The following PRR12 variants were observed in gnomAD, a reference collection of about 807,000 sequenced individuals.
PRR12 encodes the protein proline-rich protein 12.
In PRR12, 12 loss-of-function variants were observed where a neutral mutation model predicts 138.0. The observed-to-expected ratio is 0.09, with a 90% confidence interval of 0.06 to 0.14. The LOEUF (loss-of-function observed/expected upper bound fraction) is 0.14. Among genes scored for constraint, PRR12 ranks in the 10% least tolerant of loss-of-function variants. PRR12 has a pLI of 1.00. For synonymous variants in PRR12, 1,567 were observed against 1,291.7 expected (o/e 1.21, Z -4.57); for missense variants, 2,692 against 2,861.3 (o/e 0.94, Z 1.35).
At chr19:49,622,928 T>TATATATATAG (rs1320368074) in intron 11 of PRR12, among the ~76,000 whole-genome samples, 15 of 77,768 alleles carry the variant, frequency 1.9e-4, no homozygotes, top group African/African-American at 3.1e-4. Flanking sequence ...TATATATATA[T>TATATATATAG]AGAGAGAGAG....
chr19:49,607,063 G>A (rs1427895483), intron 6 of PRR12, among the ~76,000 whole-genome samples: 1 of 151,602 alleles, frequency 6.6e-6, no homozygotes, highest in African/African-American at 2.4e-5. Flanking sequence ...TTGGGAGGAC[G>A]AGGCAGGATT....
chr19:49,617,600 C>T (rs1232421982), intron 9 of PRR12, among the ~76,000 whole-genome samples: 1 of 152,182 alleles, frequency 6.6e-6, no homozygotes, highest in Non-Finnish European at 1.5e-5. Flanking sequence ...CACTGCTTTC[C>T]AGCCAGGGTG....
chr19:49,596,900 C>A lies in PRR12; in HGVS notation c.2565C>A (p.Arg855=). 1 of 1,556,886 alleles carries A rather than the reference C, an allele frequency of 6.4e-7. No individual in the cohort carries two copies. The highest frequency in any genetic ancestry group is 1.4e-5 in the African/African-American group (1 of 73,678). The change falls in exon 4 of 14, where the codon CGC becomes CGA. Residue 855 remains arginine, a synonymous_variant. Transcript: ENST00000418929. The surrounding 1 kb of genome is among the most constrained non-coding windows in gnomAD (Gnocchi z 5.6). ...PMPLQLEAHL[R]SHGLEPAAPS... ...CCCTGCAGCTCGAGGCCCACCTCCG[C>A]AGCCATGGCCTGGAGCCCGCGGCCC...
At position 49,624,895 on chromosome 19, in the gene PRR12, T is replaced by C; in HGVS notation, c.5773T>C (p.Ser1925Pro). Residue 1925 changes from serine (S) to proline (P), a missense_variant, in exon 12 of 14, where the codon TCT (serine) becomes CCT (proline). Around this residue, in one of 11 missense-constraint regions of PRR12, gnomAD observed 116 missense variants for 243.4 expected, o/e 0.48. Transcript: ENST00000418929. ...QLQVEQSGEGSPEEGAVRLRP... is the reference protein window; with the variant it reads ...QLQVEQSGEGPPEEGAVRLRP... ...GCAAGTGGAGCAGAGTGGGGAGGGC[T>C]CTCCGGAAGAGGGGGCTGTGCGGCT... 1 of 1,610,070 alleles carries C rather than the reference T, an allele frequency of 6.2e-7. No individual in the cohort carries two copies. The highest frequency in any genetic ancestry group is 1.1e-5 in the South Asian group (1 of 90,742).
At position 49,594,431 on chromosome 19, in the gene PRR12, C is replaced by T; in HGVS notation, c.200-23C>T. On this transcript the variant is annotated intron_variant, in intron 2 of 13. Coordinates refer to ENST00000418929, the MANE Select transcript of PRR12 (RefSeq NM_020719.3). This position sits in a 1 kb window ranked among gnomAD's most constrained non-coding sequence, Gnocchi z 5.6. ...ATCCTACCCACCCCCACCTGGCTGA[C>T]TATAACCCCTGTCCCCGGCCAGGCC... The T allele has an allele frequency of 1.3e-6, 2 of 1,547,252 alleles. No individual in the cohort carries two copies. The highest frequency in any genetic ancestry group is 8.7e-7 in the Non-Finnish European group (1 of 1,148,730).
In PRR12 at chr19:49,591,332, C is replaced by T. The variant is rs1308197780; in HGVS notation, c.-323C>T. ...CGCCCCCTCCCGAGCGCGCGCCCCC[C>T]CTTTTCTCTCGCAAGCGCCGGGGCA... On this transcript the variant is annotated 5_prime_UTR_variant, in exon 1 of 14. Coordinates refer to ENST00000418929, the MANE Select transcript of PRR12 (RefSeq NM_020719.3). Among the ~76,000 whole-genome samples, 6 of 150,636 alleles carry T rather than the reference C, an allele frequency of 4.0e-5. No homozygotes were observed. The highest frequency in any genetic ancestry group is 2.1e-4 in the South Asian group (1 of 4,758).
Position 49,594,914 on chromosome 19 carries a change from C to T in PRR12, c.579C>T (p.Pro193=), listed in dbSNP as rs777834663. 8.1e-6 allele frequency: 13 copies of T among 1,608,266 alleles called. No homozygotes were observed. Among genetic ancestry groups the T allele is most frequent in the East Asian group, 2.2e-5 (1 of 44,676 alleles). The part of the protein sequence containing the change: ...LSPHDVLHLK[P]SQAPTVPSSL... Reference sequence around the variant, plus strand: ...CTCATGACGTGCTGCACCTGAAGCCCTCGCAGGCACCCACGGTGCCCTCTT... The same window carrying T: ...CTCATGACGTGCTGCACCTGAAGCCTTCGCAGGCACCCACGGTGCCCTCTT... The change falls in exon 4 of 14, where the codon CCC becomes CCT. Residue 193 remains proline (P), a synonymous_variant. Coordinates refer to ENST00000418929, the MANE Select transcript of PRR12 (RefSeq NM_020719.3). This position sits in a 1 kb window ranked among gnomAD's most constrained non-coding sequence, Gnocchi z 5.6.
At position 49,599,575 on chromosome 19, in the gene PRR12, G is replaced by A; in HGVS notation, c.3982G>A (p.Ala1328Thr). ...CCGAGGCCTGCAGCCCCAGCCCCCT[G>A]CCACCCCTGCTGTGCCACATCCCCC... is the stretch of plus-strand genomic sequence containing the variant. The part of the protein sequence containing the change: ...PARGLQPQPP[A>T]TPAVPHPPPS... Residue 1328 changes from alanine to threonine, a missense_variant, in exon 5 of 14, where the codon GCC becomes ACC. Ala to Thr is a moderately conservative substitution (Grantham distance 58). Around this residue, in one of 11 missense-constraint regions of PRR12, gnomAD observed 326 missense variants for 344.2 expected, o/e 0.95. Transcript: ENST00000418929. The surrounding 1 kb of genome is among the most constrained non-coding windows in gnomAD (Gnocchi z 5.0). 1 of 1,594,512 alleles carries A rather than the reference G, an allele frequency of 6.3e-7. No homozygotes were observed. Among genetic ancestry groups the A allele is most frequent in the Non-Finnish European group, 8.5e-7 (1 of 1,170,520 alleles).
intron 6 of PRR12, among the ~76,000 whole-genome samples, chr19:49,603,651 T>C (rs1419280752): frequency 6.6e-6 from 1 of 151,958 alleles, no homozygotes; most frequent in Non-Finnish European, 1.5e-5. Context: ...TGAGCTGAGA[T>C]TGTGCCACTG....
intron 6 of PRR12, among the ~76,000 whole-genome samples, chr19:49,607,538 C>T (rs551490224): frequency 1.3e-5 from 2 of 150,954 alleles, no homozygotes; most frequent in Admixed American, 6.6e-5. Flanking sequence ...AAACGCCCCC[C>T]CTACAAAAAA....
In PRR12 at chr19:49,597,509, C is replaced by T. The variant is rs1467913916; in HGVS notation, c.3174C>T (p.Gly1058=). The change falls in exon 4 of 14, where the codon GGC becomes GGT. Residue 1058 remains glycine, a synonymous_variant. Coordinates refer to ENST00000418929, the MANE Select transcript of PRR12 (RefSeq NM_020719.3). This position sits in a 1 kb window ranked among gnomAD's most constrained non-coding sequence, Gnocchi z 6.3. ...PPAPASEPKG[G]LTSPIFCSTK... is the part of the protein sequence containing the mutation. Reference sequence around the variant, plus strand: ...CGCCGGCCTCCGAACCCAAGGGTGGCCTCACCTCGCCCATCTTCTGCTCTA... The same window carrying T: ...CGCCGGCCTCCGAACCCAAGGGTGGTCTCACCTCGCCCATCTTCTGCTCTA... 1.9e-6 allele frequency: 3 copies of T among 1,554,650 alleles called. No individual in the cohort carries two copies. Among genetic ancestry groups the T allele is most frequent in the African/African-American group, 1.4e-5 (1 of 73,132 alleles).
At chr19:49,622,878 C>G (rs866987736) in intron 11 of PRR12, among the ~76,000 whole-genome samples, 4 of 112,312 alleles carry the variant, frequency 3.6e-5, no homozygotes, top group Non-Finnish European at 6.8e-5. Flanking sequence ...GGCGACAGAG[C>G]GAGACTCTGT....
At chr19:49,612,288 G>C (rs1348624610) in intron 6 of PRR12, among the ~76,000 whole-genome samples, 1 of 151,760 alleles carries the variant, frequency 6.6e-6, no homozygotes, top group South Asian at 2.1e-4. Context: ...CCAATCAGCT[G>C]TGGGTATGGA....
In PRR12 at chr19:49,597,026, T is replaced by G; in HGVS notation, c.2691T>G (p.Thr897=). 6.4e-7 allele frequency: 1 copy of G among 1,557,360 alleles called. No homozygotes were observed. ...CGCTGCCCCCGGCGCCTGGGGATAC[T>G]GGCGTAGGCCCACCAAACTCGGAGG... ...LEPLPPAPGD[T]GVGPPNSEGK... Residue 897 remains threonine, a synonymous_variant, in exon 4 of 14, where the codon ACT becomes ACG. Transcript: ENST00000418929. This position sits in a 1 kb window ranked among gnomAD's most constrained non-coding sequence, Gnocchi z 6.3.
At chr19:49,602,062 G>A in intron 6 of PRR12, 144 bp downstream of exon 6, 3 of 1,019,540 alleles carry the variant, frequency 2.9e-6, no homozygotes, top group South Asian at 1.6e-5. Flanking sequence ...CTATGGGGCT[G>A]ATAGAGGTGT....
At position 49,594,902 on chromosome 19, in the gene PRR12, G is replaced by A. The variant is rs779996739; in HGVS notation, c.567G>A (p.Leu189=). ...ANGLLSPHDV[L]HLKPSQAPTV... ...GGCTCCTGTCCCCTCATGACGTGCT[G>A]CACCTGAAGCCCTCGCAGGCACCCA... Residue 189 remains leucine (L), a synonymous_variant, in exon 4 of 14, where the codon CTG becomes CTA. Coordinates refer to ENST00000418929, the MANE Select transcript of PRR12 (RefSeq NM_020719.3). This position sits in a 1 kb window ranked among gnomAD's most constrained non-coding sequence, Gnocchi z 5.6. 6.2e-7 allele frequency: 1 copy of A among 1,609,872 alleles called. No individual in the cohort carries two copies. The highest frequency in any genetic ancestry group is 8.5e-7 in the Non-Finnish European group (1 of 1,178,486).
Position 49,625,701 on chromosome 19 carries a change from CG to C in PRR12, c.*98del. 1 of 1,452,746 alleles carries C rather than the reference CG, an allele frequency of 6.9e-7. No individual in the cohort carries two copies. The highest frequency in any genetic ancestry group is 9.1e-7 in the Non-Finnish European group (1 of 1,097,834). The allele number at this position is 1,452,746 out of a possible 1,614,324, so 90.0% of individuals were successfully genotyped here. A position where few individuals can be genotyped will look rare whatever the true frequency, so the allele number is the denominator to read the frequency against. ...GGAGCTAACACCTGGGCTCCATCGC[CG>C]GGGAAAGGGGGTCATGGGTCAGGGT... On this transcript the variant is annotated 3_prime_UTR_variant, in exon 14 of 14. Coordinates refer to ENST00000418929, the MANE Select transcript of PRR12 (RefSeq NM_020719.3). The surrounding 1 kb of genome is among the most constrained non-coding windows in gnomAD (Gnocchi z 5.5).
intron 4 of PRR12, 62 bp downstream of exon 4, chr19:49,598,075 CTTT>C (rs575895022): frequency 2.5e-3 from 2,824 of 1,123,590 alleles, no homozygotes; most frequent in South Asian, 3.9e-3. Flanking sequence ...ATGTTTGAGT[CTTT>C]TTTTTTTTTT....
At position 49,593,459 on chromosome 19, in the gene PRR12, C is replaced by T. The variant is rs753614999; in HGVS notation, c.199+20C>T. ...CGGCAGGTACGGCCCCCATCCCGCCCCGCTTTGGGCTGGCCCTCCCCCTCC... is the reference window on the plus strand; with the variant it reads ...CGGCAGGTACGGCCCCCATCCCGCCTCGCTTTGGGCTGGCCCTCCCCCTCC... On this transcript the variant is annotated intron_variant, in intron 2 of 13. Transcript: ENST00000418929. 3 of 1,284,672 alleles carry T rather than the reference C, an allele frequency of 2.3e-6. No individual in the cohort carries two copies. The highest frequency in any genetic ancestry group is 1.2e-5 in the South Asian group (1 of 82,194). 79.6% of individuals were successfully genotyped at this position (1,284,672 alleles called of 1,614,324 possible).
Sources: allele counts gnomAD v4.1 joint callset (sites outside exome capture counted in the v4.1 genomes callset), GRCh38; gene constraint gnomAD v4.1.1; regional missense constraint gnomAD v4.1.1; non-coding constraint Gnocchi (gnomAD v3.1); transcripts MANE v1.5; gene names NCBI Gene and HGNC (gene_info 2026-07-23, HGNC 2026-07-21).